The following PDGFC variants were observed in gnomAD, a reference collection of about 807,000 sequenced individuals.
PDGFC encodes platelet derived growth factor C.
A neutral mutation model predicts 35.5 loss-of-function variants in PDGFC; 12 were observed. The observed-to-expected ratio is 0.34, with a 90% CI of 0.22 to 0.55. PDGFC has a LOEUF of 0.55. Ranked by LOEUF, PDGFC falls within the 20% of genes least tolerant of loss-of-function variation. The pLI, the probability that PDGFC is intolerant of heterozygous loss-of-function variation, is 0.91. For missense variants in PDGFC, 322 were observed against 412.4 expected (o/e 0.78, Z 1.90); for synonymous variants, 159 against 148.8 (o/e 1.07, Z -0.50).
At chr4:156,851,686 G>A (rs1368454741) in intron 1 of PDGFC, among the ~76,000 whole-genome samples, 1 of 152,128 alleles carries the variant, frequency 6.6e-6, no homozygotes, top group African/African-American at 2.4e-5. Context: ...GCTCACGCCT[G>A]TAATCCCAGC....
chr4:156,824,327 T>TATATATATACACATATACACACAC (rs1491500876), intron 2 of PDGFC, among the ~76,000 whole-genome samples: 1 of 102,846 alleles, frequency 9.7e-6, no homozygotes, highest in Admixed American at 9.8e-5. Flanking sequence ...TATATATATA[T>TATATATATACACATATACACACAC]ACACACACAC....
intron 5 of PDGFC, among the ~76,000 whole-genome samples, chr4:156,764,532 CAGAA>C (rs1730466760): frequency 6.6e-6 from 1 of 152,102 alleles, no homozygotes; most frequent in Non-Finnish European, 1.5e-5. Flanking sequence ...TTTATAGACT[CAGAA>C]TATCACTGCT....
At chr4:156,794,717 C>A (rs1249715220) in intron 3 of PDGFC, among the ~76,000 whole-genome samples, 1 of 151,848 alleles carries the variant, frequency 6.6e-6, no homozygotes, top group Non-Finnish European at 1.5e-5. Flanking sequence ...AAGAAGCCTG[C>A]AACTACATAG....
At chr4:156,955,314 T>A (rs747818389) in intron 1 of PDGFC, among the ~76,000 whole-genome samples, 1 of 151,942 alleles carries the variant, frequency 6.6e-6, no homozygotes, top group Non-Finnish European at 1.5e-5. Flanking sequence ...TTTACAATCA[T>A]CCTGAAGTAC....
intron 1 of PDGFC, among the ~76,000 whole-genome samples, chr4:156,944,924 C>G (rs1158448370): frequency 6.6e-6 from 1 of 151,900 alleles, no homozygotes; most frequent in Non-Finnish European, 1.5e-5. Context: ...CATTCTGACC[C>G]AGGGCATTTG....
intron 3 of PDGFC, among the ~76,000 whole-genome samples, chr4:156,810,014 C>T (rs1731887910): frequency 6.6e-6 from 1 of 151,624 alleles, no homozygotes; most frequent in South Asian, 2.1e-4. Context: ...GCCACCCTAG[C>T]CTAAAAAATA....
At chr4:156,775,346 T>A (rs910368598) in intron 3 of PDGFC, among the ~76,000 whole-genome samples, 3 of 152,140 alleles carry the variant, frequency 2.0e-5, no homozygotes, top group African/African-American at 7.2e-5. Flanking sequence ...AGTCAAAGAA[T>A]CAGTATTATT....
intron 1 of PDGFC, among the ~76,000 whole-genome samples, chr4:156,910,544 A>C (rs550182505): frequency 6.6e-6 from 1 of 152,270 alleles, no homozygotes; most frequent in Admixed American, 6.5e-5. Flanking sequence ...ACTTATCTGA[A>C]ATAAATGTCC....
chr4:156,859,228 A>G (rs1245280577), intron 1 of PDGFC, among the ~76,000 whole-genome samples: 3 of 152,082 alleles, frequency 2.0e-5, no homozygotes, highest in African/African-American at 7.2e-5. Context: ...TCAGATTAAT[A>G]TATTAATGCT....
At chr4:156,886,398 T>G (rs1214117428) in intron 1 of PDGFC, among the ~76,000 whole-genome samples, 1 of 152,244 alleles carries the variant, frequency 6.6e-6, no homozygotes, top group Admixed American at 6.5e-5. Context: ...ACTTCTAGTT[T>G]AGATTAATAT....
chr4:156,823,548 G>C (rs887157848), intron 2 of PDGFC, among the ~76,000 whole-genome samples: 1 of 152,236 alleles, frequency 6.6e-6, no homozygotes, highest in Non-Finnish European at 1.5e-5. Flanking sequence ...CTCATGCAAA[G>C]ATCACTACTT....
intron 2 of PDGFC, among the ~76,000 whole-genome samples, chr4:156,825,872 T>C (rs1256137433): frequency 6.8e-6 from 1 of 146,122 alleles, no homozygotes; most frequent in Non-Finnish European, 1.5e-5. Flanking sequence ...GCAATTTTCT[T>C]TTTTTTTTTT....
chr4:156,848,404 G>T (rs1729375670), intron 2 of PDGFC, among the ~76,000 whole-genome samples: 1 of 151,820 alleles, frequency 6.6e-6, no homozygotes, highest in South Asian at 2.1e-4. Context: ...TGAAACCATT[G>T]TCAGAAAGTC....
intron 1 of PDGFC, among the ~76,000 whole-genome samples, chr4:156,937,969 A>G (rs1317275020): frequency 6.6e-6 from 1 of 152,172 alleles, no homozygotes; most frequent in African/African-American, 2.4e-5. Context: ...TAATGTGCTT[A>G]ATATTGATAC....
At chr4:156,799,032 C>T (rs1731525752) in intron 3 of PDGFC, among the ~76,000 whole-genome samples, 2 of 152,156 alleles carry the variant, frequency 1.3e-5, no homozygotes, top group South Asian at 4.1e-4. Flanking sequence ...TAATTGCTAC[C>T]TCAATGTCTT....
intron 1 of PDGFC, among the ~76,000 whole-genome samples, chr4:156,857,068 A>G (rs954850505): frequency 2.0e-5 from 3 of 150,246 alleles, no homozygotes; most frequent in African/African-American, 7.3e-5. Flanking sequence ...AAGCCACTTG[A>G]TATCTGAGGG....
intron 3 of PDGFC, among the ~76,000 whole-genome samples, chr4:156,802,235 C>T (rs1731631710): frequency 6.6e-6 from 1 of 152,082 alleles, no homozygotes; most frequent in Non-Finnish European, 1.5e-5. Flanking sequence ...AGATCAGTCT[C>T]ACATACTTTT....
At chr4:156,841,587 A>G (rs1205309569) in intron 2 of PDGFC, among the ~76,000 whole-genome samples, 1 of 150,754 alleles carries the variant, frequency 6.6e-6, no homozygotes, top group Non-Finnish European at 1.5e-5. Flanking sequence ...GCTCACTGCA[A>G]CCTCCACCTC....
chr4:156,864,083 C>T (rs1729778750), intron 1 of PDGFC, among the ~76,000 whole-genome samples: 1 of 152,036 alleles, frequency 6.6e-6, no homozygotes, highest in South Asian at 2.1e-4. Flanking sequence ...CAGTGCCTCA[C>T]ACATAATAGA....
Sources: allele counts gnomAD v4.1 joint callset (sites outside exome capture counted in the v4.1 genomes callset), GRCh38; gene constraint gnomAD v4.1.1; transcripts MANE v1.5; gene names NCBI Gene and HGNC (gene_info 2026-07-23, HGNC 2026-07-21).